The following HPSE2 variants were observed in gnomAD, a reference collection of about 807,000 sequenced individuals.
The protein encoded by HPSE2 is heparanase 2 (inactive).
Under a neutral mutation model 60.5 loss-of-function variants are expected in HPSE2, and 38 were observed. The observed-to-expected ratio is 0.63, with a 90% CI of 0.48 to 0.82. The LOEUF (loss-of-function observed/expected upper bound fraction) is 0.82, where lower values mean the gene tolerates loss of function less well. Ranked by LOEUF, HPSE2 falls within the 40% of genes least tolerant of loss-of-function variation. HPSE2 has a pLI of 0.00. For synonymous variants in HPSE2, 295 were observed against 293.2 expected (o/e 1.01, Z -0.06); for missense variants, 713 against 740.4 (o/e 0.96, Z 0.43).
At chr10:98,708,716 A>C (rs1035165731) in intron 5 of HPSE2, among the ~76,000 whole-genome samples, 1 of 152,314 alleles carries the variant, frequency 6.6e-6, no homozygotes, top group Non-Finnish European at 1.5e-5. Flanking sequence ...TCAAATTTGC[A>C]AACAATGTCA....
intron 9 of HPSE2, among the ~76,000 whole-genome samples, chr10:98,601,702 T>G (rs1945431323): frequency 6.6e-6 from 1 of 152,238 alleles, no homozygotes; most frequent in African/African-American, 2.4e-5. Context: ...CAATGTTTGC[T>G]GATAGCCTAA....
At chr10:99,009,517 G>A (rs946750491) in intron 3 of HPSE2, among the ~76,000 whole-genome samples, 1 of 152,156 alleles carries the variant, frequency 6.6e-6, no homozygotes, top group African/African-American at 2.4e-5. Flanking sequence ...ACATTTCCTT[G>A]CCACCATCTG....
chr10:98,938,032 T>C (rs1320001753), intron 3 of HPSE2, among the ~76,000 whole-genome samples: 2 of 143,060 alleles, frequency 1.4e-5, no homozygotes, highest in Non-Finnish European at 3.0e-5. Flanking sequence ...GAGGGTCCTG[T>C]CTGTTAGAAG....
chr10:99,315,270 G>A, the HPSE2 span, among the ~76,000 whole-genome samples: 2 of 152,144 alleles, frequency 1.3e-5, no homozygotes, highest in African/African-American at 2.4e-5. Flanking sequence ...ACAAGAGTAC[G>A]GGTACTGTTA....
At chr10:99,304,039 G>A in the HPSE2 span, among the ~76,000 whole-genome samples, 3 of 152,158 alleles carry the variant, frequency 2.0e-5, no homozygotes, top group Admixed American at 6.5e-5. Flanking sequence ...ATGCCCATAA[G>A]CTCAGCAGGA....
intron 2 of HPSE2, among the ~76,000 whole-genome samples, chr10:99,176,170 A>C (rs1296591090): frequency 6.6e-6 from 1 of 152,234 alleles, no homozygotes; most frequent in Non-Finnish European, 1.5e-5. Flanking sequence ...AGGAAAAACC[A>C]GCACAAAAAG....
At chr10:99,025,703 G>T (rs966383991) in intron 3 of HPSE2, among the ~76,000 whole-genome samples, 2 of 152,060 alleles carry the variant, frequency 1.3e-5, no homozygotes, top group Non-Finnish European at 2.9e-5. Context: ...ATACCTGAGT[G>T]GGGAGGGTAG....
chr10:98,800,450 T>A (rs1689594832), intron 3 of HPSE2, among the ~76,000 whole-genome samples: 1 of 147,760 alleles, frequency 6.8e-6, no homozygotes, highest in African/African-American at 2.5e-5. Flanking sequence ...TATAATTTTA[T>A]ATAACATATA....
At chr10:98,968,082 A>G (rs1955859125) in intron 3 of HPSE2, among the ~76,000 whole-genome samples, 2 of 152,278 alleles carry the variant, frequency 1.3e-5, no homozygotes, top group Admixed American at 6.5e-5. Flanking sequence ...TAAAAACAAT[A>G]CTAACCTATA....
intron 3 of HPSE2, among the ~76,000 whole-genome samples, chr10:99,003,681 C>T (rs1956826909): frequency 1.3e-5 from 2 of 151,972 alleles, no homozygotes; most frequent in Admixed American, 1.3e-4. Context: ...ATCAGTTTCT[C>T]TTCTTGCTAT....
chr10:98,839,311 T>C (rs902460074), intron 3 of HPSE2, among the ~76,000 whole-genome samples: 5 of 152,172 alleles, frequency 3.3e-5, no homozygotes, highest in African/African-American at 1.2e-4. Flanking sequence ...TGAACTCCTA[T>C]CAGATTCAAA....
chr10:98,949,792 G>A (rs1040207077), intron 3 of HPSE2, among the ~76,000 whole-genome samples: 6 of 152,016 alleles, frequency 3.9e-5, no homozygotes, highest in African/African-American at 7.2e-5. Flanking sequence ...GTCAGTTAGC[G>A]TTGGCCTGGA....
intron 3 of HPSE2, among the ~76,000 whole-genome samples, chr10:99,111,088 T>C (rs745640352): frequency 1.7e-4 from 26 of 152,300 alleles, no homozygotes; most frequent in Admixed American, 3.9e-4. Flanking sequence ...CTCCATTGAA[T>C]TACCCTTCCT....
chr10:98,655,326 A>G (rs949841712), intron 6 of HPSE2, among the ~76,000 whole-genome samples: 1 of 152,104 alleles, frequency 6.6e-6, no homozygotes, highest in African/African-American at 2.4e-5. Context: ...GGATCCCACA[A>G]AAGTGTGGAG....
At chr10:98,996,234 A>G (rs1341796612) in intron 3 of HPSE2, among the ~76,000 whole-genome samples, 1 of 152,168 alleles carries the variant, frequency 6.6e-6, no homozygotes, top group Non-Finnish European at 1.5e-5. Flanking sequence ...AAGTTGAGTG[A>G]AGGTTTATGG....
At chr10:98,476,311 T>C (rs1941016595) in intron 11 of HPSE2, among the ~76,000 whole-genome samples, 1 of 108,756 alleles carries the variant, frequency 9.2e-6, no homozygotes, top group Admixed American at 1.2e-4. Flanking sequence ...CATCACACTC[T>C]GGGGACTGTT....
intron 3 of HPSE2, among the ~76,000 whole-genome samples, chr10:98,872,098 A>C (rs1952748142): frequency 6.6e-6 from 1 of 152,028 alleles, no homozygotes; most frequent in African/African-American, 2.4e-5. Flanking sequence ...CATTTTTGTG[A>C]GGTCCGTTAC....
chr10:99,099,933 T>G (rs1490972882), intron 3 of HPSE2, among the ~76,000 whole-genome samples: 2 of 152,208 alleles, frequency 1.3e-5, no homozygotes, highest in African/African-American at 2.4e-5. Flanking sequence ...CTGAGGGTCC[T>G]GACTATTAGA....
chr10:98,904,622 A>G (rs1384366014), intron 3 of HPSE2, among the ~76,000 whole-genome samples: 1 of 152,196 alleles, frequency 6.6e-6, no homozygotes, highest in Non-Finnish European at 1.5e-5. Flanking sequence ...CTACATACAT[A>G]GGGATAAAAA....
Sources: gnomAD v4.1 joint callset for allele counts (sites outside exome capture counted in the v4.1 genomes callset) on GRCh38, gnomAD v4.1.1 for gene constraint, MANE v1.5 for transcripts, NCBI Gene and HGNC (gene_info 2026-07-23, HGNC 2026-07-21) for gene names.